The following RASL12 variants were observed in gnomAD, a reference collection of about 807,000 sequenced individuals.
RASL12 encodes the protein RAS like family 12.
Under a neutral mutation model 22.9 loss-of-function variants are expected in RASL12, and 16 were observed. That is an observed-to-expected ratio of 0.70 (90% CI 0.47 to 1.06). The LOEUF (loss-of-function observed/expected upper bound fraction) is 1.06, where lower values mean the gene tolerates loss of function less well. Among genes scored for constraint, RASL12 ranks in the 50% least tolerant of loss-of-function variants. The pLI is 0.00. For missense variants in RASL12, 306 were observed against 353.1 expected, an observed-to-expected ratio of 0.87 and a Z score of 1.07; for synonymous variants, 159 against 152.2, an observed-to-expected ratio of 1.04 and a Z score of -0.33.
chr15:65,056,895 A>T (rs528495134), intron 4 of RASL12, among the ~76,000 whole-genome samples: 22 of 152,232 alleles, frequency 1.4e-4, no homozygotes, highest in African/African-American at 5.1e-4. Context: ...ATGCTTTGTT[A>T]TTTGCTCCCA....
At chr15:65,065,499 T>C (rs938648426) in intron 1 of RASL12, among the ~76,000 whole-genome samples, 1 of 152,120 alleles carries the variant, frequency 6.6e-6, no homozygotes, top group Non-Finnish European at 1.5e-5. Flanking sequence ...GAATTTTTTT[T>C]AATGGCAAGG....
chr15:65,069,228 T>C (rs1166708692), upstream of RASL12, among the ~76,000 whole-genome samples: 1 of 152,210 alleles, frequency 6.6e-6, no homozygotes, highest in African/African-American at 2.4e-5. Context: ...CTCAGCCTAG[T>C]TGTGTTTTGG....
downstream of RASL12, chr15:65,050,041 G>T: frequency 6.4e-7 from 1 of 1,551,686 alleles, no homozygotes; most frequent in Non-Finnish European, 8.7e-7. Flanking sequence ...AGACCCAGCC[G>T]GTACTGTGGT....
downstream of RASL12, among the ~76,000 whole-genome samples, chr15:65,050,832 T>A (rs2086641196): frequency 1.6e-5 from 1 of 61,834 alleles, no homozygotes; most frequent in African/African-American, 4.3e-5. Flanking sequence ...TTCTTCTTCT[T>A]CTTCTTTTTT....
upstream of RASL12, chr15:65,068,187 C>A (rs991230519): frequency 8.0e-6 from 8 of 998,016 alleles, no homozygotes; most frequent in Non-Finnish European, 9.5e-6. The surrounding 1 kb of genome is among the most constrained non-coding windows in gnomAD (Gnocchi z 4.2). Flanking sequence ...CCCTCCCGAG[C>A]GCCCCCAAAC....
intron 2 of RASL12, 70 bp downstream of exon 2, chr15:65,065,147 C>A: frequency 6.7e-7 from 1 of 1,482,910 alleles, no homozygotes; most frequent in East Asian, 2.3e-5. Flanking sequence ...TGCCCACCCA[C>A]GGGGTGGGTC....
rs2086709209 is a variant in RASL12, at chr15:65,055,041, G to A, written c.659C>T (p.Thr220Ile). 2.5e-6 allele frequency: 4 copies of A among 1,613,706 alleles called. No individual in the cohort carries two copies. Among genetic ancestry groups the A allele is most frequent in the African/African-American group, 2.7e-5 (2 of 74,948 alleles). The change falls in exon 5 of 5, where the codon ACC (threonine) becomes ATC (isoleucine). Residue 220 changes from threonine (T) to isoleucine (I), a missense_variant. By Grantham distance (89) the Thr-to-Ile change is moderately conservative. Coordinates refer to ENST00000220062, the MANE Select transcript of RASL12 (RefSeq NM_016563.4). ...GTTGATGGTGGAGAGCGTGTTGAAG[G>A]TGCAGCTGGCCAGCCCATGCCGCGC... is the stretch of plus-strand genomic sequence containing the variant. ...LTARHGLASC[T>I]FNTLSTINLK...
intron 1 of RASL12, among the ~76,000 whole-genome samples, chr15:65,076,335 C>A (rs2086969112): frequency 6.6e-6 from 1 of 152,104 alleles, no homozygotes; most frequent in Admixed American, 6.5e-5. Context: ...CCAGCGAGAC[C>A]ACAAGCCCAC....
chr15:65,067,625 A>G, intron 1 of RASL12, 108 bp downstream of exon 1: 1 of 1,305,430 alleles, frequency 7.7e-7, no homozygotes, highest in Non-Finnish European at 1.0e-6. Flanking sequence ...TGGGTGAAGG[A>G]AGCTCCCCAA....
At chr15:65,049,731 A>G, downstream of RASL12, 1 of 314,182 alleles carries the variant, frequency 3.2e-6, no homozygotes, top group Non-Finnish European at 5.9e-6. Flanking sequence ...TAAATATTTG[A>G]GTCACTCCCA....
At position 65,058,601 on chromosome 15, in the gene RASL12, C is replaced by G; in HGVS notation, c.251G>C (p.Cys84Ser). 1.3e-6 allele frequency: 2 copies of G among 1,573,834 alleles called. No individual in the cohort carries two copies. Among genetic ancestry groups the G allele is most frequent in the Non-Finnish European group, 1.7e-6 (2 of 1,153,160 alleles). The change falls in exon 4 of 5, where the codon TGC (cysteine) becomes TCC (serine). Residue 84 changes from cysteine (C) to serine (S), a missense_variant. Transcript: ENST00000220062. ...ATGGGCCCAGTTCAGGTAGCGCTCG[C>G]AGTTCCTGGGGGTGTCCTGGGGTGA... Reference protein sequence around the residue: ...DTADLDTPRNCERYLNWAHAF... With the variant: ...DTADLDTPRNSERYLNWAHAF...
the RASL12 span, among the ~76,000 whole-genome samples, chr15:65,047,103 T>C: frequency 0.49 from 74,031 of 151,872 alleles, 18,728 homozygotes; most frequent in African/African-American, 0.6. Context: ...ACACCTGTAA[T>C]CCCAGCACTT....
chr15:65,066,041 T>G (rs202202505), intron 1 of RASL12, among the ~76,000 whole-genome samples: 2 of 132,622 alleles, frequency 1.5e-5, no homozygotes, highest in Non-Finnish European at 1.6e-5. Flanking sequence ...AAGAGAAGAG[T>G]AGAGAAGAGA....
chr15:65,067,617 G>A, intron 1 of RASL12, 116 bp downstream of exon 1: 2 of 1,249,720 alleles, frequency 1.6e-6, no homozygotes, highest in Non-Finnish European at 2.1e-6. Context: ...GACCCTCCTG[G>A]GTGAAGGAAG....
Position 65,054,695 on chromosome 15 carries a change from T to G in RASL12, c.*204A>C, listed in dbSNP as rs1056670230. On this transcript the variant is annotated 3_prime_UTR_variant, in exon 5 of 5. Coordinates refer to ENST00000220062, the MANE Select transcript of RASL12 (RefSeq NM_016563.4). ...ACGGCCACAGACGCGGTGGTTACCA[T>G]GAAGACCAAGGCCTGGAGGGAACAG... 9.3e-6 allele frequency: 13 copies of G among 1,400,922 alleles called. No homozygotes were observed. In the African/African-American group the frequency reaches 1.3e-4, roughly 14 times the overall value. The allele number at this position is 1,400,922 out of a possible 1,614,324, so 86.8% of individuals were successfully genotyped here.
chr15:65,071,241 G>T (rs2140537592), upstream of RASL12, among the ~76,000 whole-genome samples: 1 of 152,292 alleles, frequency 6.6e-6, no homozygotes, highest in Admixed American at 6.5e-5. Flanking sequence ...CTCTAGAAAG[G>T]CTCAGAGTCT....
In RASL12 at chr15:65,058,436, G is replaced by A. The variant is rs922961269; in HGVS notation, c.416C>T (p.Ala139Val). The change falls in exon 4 of 5, where the codon GCT becomes GTT. Residue 139 changes from alanine (A) to valine (V), a missense_variant. Transcript: ENST00000220062. ...ALLLGNKLDMAQYRQVTKAEG... is the reference protein window; with the variant it reads ...ALLLGNKLDMVQYRQVTKAEG... ...AGCAGGCTGTGCTCACCTGTACTGAGCCATGTCCAGCTTGTTGCCCAGCAG... is the reference window on the plus strand; with the variant it reads ...AGCAGGCTGTGCTCACCTGTACTGAACCATGTCCAGCTTGTTGCCCAGCAG... The A allele has an allele frequency of 1.9e-6, 3 of 1,562,538 alleles. No homozygotes were observed. The African/African-American group carries it at 4.1e-5, about 21-fold the overall frequency.
downstream of RASL12, chr15:65,052,867 TAGAGA>T: frequency 9.2e-7 from 1 of 1,082,698 alleles, no homozygotes; most frequent in Non-Finnish European, 1.4e-6. Context: ...CCAAACTGCA[TAGAGA>T]ATTTTCCCCT....
chr15:65,053,475 T>A lies in RASL12; in HGVS notation c.*1424A>T. The A allele has an allele frequency of 8.7e-7, 1 of 1,153,370 alleles. No individual in the cohort carries two copies. Among genetic ancestry groups the A allele is most frequent in the Non-Finnish European group, 1.1e-6 (1 of 935,074 alleles). 71.4% of individuals were successfully genotyped at this position (1,153,370 alleles called of 1,614,324 possible). A position where few individuals can be genotyped will look rare whatever the true frequency, so the allele number is the denominator to read the frequency against. The stretch of plus-strand genomic sequence containing the variant: ...GGAGCAAAAGTGCAAAATCCGTAGC[T>A]GGCCTGTGGGTCGGGAAGCCTGTAG... On this transcript the variant is annotated 3_prime_UTR_variant, in exon 5 of 5. Transcript: ENST00000220062.
Sources: gnomAD v4.1 joint callset for allele counts (sites outside exome capture counted in the v4.1 genomes callset) on GRCh38, gnomAD v4.1.1 for gene constraint, Gnocchi (gnomAD v3.1) non-coding constraint, MANE v1.5 for transcripts, NCBI Gene and HGNC (gene_info 2026-07-23, HGNC 2026-07-21) for gene names.